PEX19: variants seen among roughly 807,000 people sequenced by gnomAD.
PEX19 encodes the protein peroxisomal biogenesis factor 19, also known as 33 kDa housekeeping protein.
A neutral mutation model predicts 36.3 loss-of-function variants in PEX19; 29 were observed. The ratio of observed to expected loss-of-function variants is 0.80; its 90% CI spans 0.60 to 1.09. The LOEUF (loss-of-function observed/expected upper bound fraction) is 1.09. Ranked by LOEUF, PEX19 falls within the 50% of genes least tolerant of loss-of-function variation. The pLI is 0.00. For synonymous variants in PEX19, 141 were observed against 135.2 expected (o/e 1.04, Z -0.30); for missense variants, 396 against 368.1 (o/e 1.08, Z -0.62).
chr1:160,283,581 C>A lies in PEX19; in HGVS notation c.129G>T (p.Thr43=). 6.2e-7 allele frequency: 1 copy of A among 1,613,988 alleles called. No homozygotes were observed. ...TCTGGGGCCCCGAAGCATCAGGGGC[C>A]GTGGTGGTAGAAGGGGGTGCTGGGG... ...KPSPAPPSTT[T]APDASGPQKR... Residue 43 remains threonine (T), a synonymous_variant, in exon 2 of 8, where the codon ACG becomes ACT. Coordinates refer to ENST00000368072, the MANE Select transcript of PEX19 (RefSeq NM_002857.4).
Position 160,277,738 on chromosome 1 carries a change from T to A in PEX19, c.*1813A>T. On this transcript the variant is annotated 3_prime_UTR_variant, in exon 8 of 8. Transcript: ENST00000368072. ...GGTTCATAGAGAAGGGCTCTTTTGTTCTTCCCTCCTCCTCTCTATCCTTGT... is the reference window on the plus strand; with the variant it reads ...GGTTCATAGAGAAGGGCTCTTTTGTACTTCCCTCCTCCTCTCTATCCTTGT... The A allele has an allele frequency of 2.2e-6, 1 of 462,778 alleles. No homozygotes were observed. The allele number at this position is 462,778 out of a possible 1,614,324, so 28.7% of individuals were successfully genotyped here.
chr1:160,280,345 T>C, intron 5 of PEX19, 99 bp from the exon 6 acceptor site: 4 of 1,167,912 alleles, frequency 3.4e-6, no homozygotes, highest in South Asian at 1.2e-5. Context: ...GAAAGGGACG[T>C]AGAAAAACGA....
At position 160,278,576 on chromosome 1, in the gene PEX19, G is replaced by C. The variant is rs1657631784; in HGVS notation, c.*975C>G. The C allele has an allele frequency of 2.2e-6, 1 of 458,518 alleles. No individual in the cohort carries two copies. 28.4% of individuals were successfully genotyped at this position (458,518 alleles called of 1,614,324 possible). ...TACTCCTTTTCCAAGCTACTTTCCTGAACCAAGGGACAGGATTCTAAGAGA... is the reference window on the plus strand; with the variant it reads ...TACTCCTTTTCCAAGCTACTTTCCTCAACCAAGGGACAGGATTCTAAGAGA... On this transcript the variant is annotated 3_prime_UTR_variant, in exon 8 of 8. Transcript: ENST00000368072.
chr1:160,282,195 G>A lies in PEX19; in HGVS notation c.438C>T (p.Ser146=). 1 of 1,614,106 alleles carries A rather than the reference G, an allele frequency of 6.2e-7. No homozygotes were observed. The highest frequency in any genetic ancestry group is 8.5e-7 in the Non-Finnish European group (1 of 1,180,016). Residue 146 remains serine (S), a synonymous_variant, in exon 5 of 8, where the codon TCC becomes TCT. Transcript: ENST00000368072. ...LAKNATDLQN[S]SMSEEELTKA... ...TGGTCAGCTCTTCTTCCGACATGCT[G>A]GAGTTCTAGATAGGACAAGTAAGAG...
At position 160,278,365 on chromosome 1, in the gene PEX19, T is replaced by C. The variant is rs1657624512; in HGVS notation, c.*1186A>G. 1 of 683,970 alleles carries C rather than the reference T, an allele frequency of 1.5e-6. No homozygotes were observed. The highest frequency in any genetic ancestry group is 2.7e-6 in the Non-Finnish European group (1 of 375,342). 42.4% of individuals were successfully genotyped at this position (683,970 alleles called of 1,614,324 possible). A position where few individuals can be genotyped will look rare whatever the true frequency, so the allele number is the denominator to read the frequency against. ...TTGCCAACTGAGGTGCAGACTGAGT[T>C]GTGGAAGGTGGGTGTTGATGGAACC... On this transcript the variant is annotated 3_prime_UTR_variant, in exon 8 of 8. Coordinates refer to ENST00000368072, the MANE Select transcript of PEX19 (RefSeq NM_002857.4).
Position 160,280,121 on chromosome 1 carries a change from ACTGTCT to A in PEX19, c.714_719del (p.Asp239_Ser240del). 6.2e-7 allele frequency: 1 copy of A among 1,613,958 alleles called. No individual in the cohort carries two copies. The highest frequency in any genetic ancestry group is 8.5e-7 in the Non-Finnish European group (1 of 1,179,858). On this transcript the variant is annotated inframe_deletion, in exon 6 of 8. Coordinates refer to ENST00000368072, the MANE Select transcript of PEX19 (RefSeq NM_002857.4). ...CAAAACGAGCCTTTTGAGTGGTTTC[ACTGTCT>A]GTGGGGGTCTCTGCCTCAAACTGCT... is the stretch of plus-strand genomic sequence containing the variant.
intron 3 of PEX19, 196 bp from the exon 4 acceptor site, chr1:160,282,698 G>C (rs1657824586): frequency 1.5e-6 from 1 of 675,882 alleles, no homozygotes; most frequent in South Asian, 1.7e-5. Context: ...TATTCTCCAT[G>C]ATGATACCCA....
At chr1:160,283,262 CA>C (rs1424361542) in intron 2 of PEX19, among the ~76,000 whole-genome samples, 153 bp from the exon 3 acceptor site, 3 of 152,064 alleles carry the variant, frequency 2.0e-5, no homozygotes, top group African/African-American at 7.2e-5. Context: ...ATGAGGATAG[CA>C]AAAAAGGTAT....
chr1:160,282,769 C>T, intron 3 of PEX19, 175 bp downstream of exon 3: 1 of 743,708 alleles, frequency 1.3e-6, no homozygotes, highest in Non-Finnish European at 2.3e-6. Flanking sequence ...TACTTTCCAA[C>T]CTATCTCACC....
rs1298851036 is a variant in PEX19 at position 160,282,116 on chromosome 1, G to A, written c.517C>T (p.Pro173Ser). 3 of 1,613,522 alleles carry A rather than the reference G, an allele frequency of 1.9e-6. No homozygotes were observed. The highest frequency in any genetic ancestry group is 2.5e-6 in the Non-Finnish European group (3 of 1,179,602). The change falls in exon 5 of 8, where the codon CCC becomes TCC. Residue 173 changes from proline to serine, a missense_variant. Pro to Ser is a moderately conservative substitution (Grantham distance 74, BLOSUM62 -1). Transcript: ENST00000368072. ...TTCTGCATAATACTCTGCATGATGG[G>A]GAGGATGTTCCCTTCCCCATCCCCT... Reference protein sequence around the residue: ...DEGDGEGNILPIMQSIMQNLL... With the variant: ...DEGDGEGNILSIMQSIMQNLL...
Position 160,282,128 on chromosome 1 carries a change from C to T in PEX19, c.505G>A (p.Gly169Arg), listed in dbSNP as rs1415879635. 6.2e-7 allele frequency: 1 copy of T among 1,613,896 alleles called. No individual in the cohort carries two copies. Among genetic ancestry groups the T allele is most frequent in the Non-Finnish European group, 8.5e-7 (1 of 1,179,808 alleles). ...CTCTGCATGATGGGGAGGATGTTCC[C>T]TTCCCCATCCCCTTCGTCCATGCCT... ...GLGMDEGDGE[G>R]NILPIMQSIM... Residue 169 changes from glycine (G) to arginine (R), a missense_variant, in exon 5 of 8, where the codon GGG becomes AGG. Transcript: ENST00000368072.
upstream of PEX19, chr1:160,285,146 T>C: frequency 6.2e-7 from 1 of 1,601,088 alleles, no homozygotes; most frequent in Non-Finnish European, 8.6e-7. Flanking sequence ...CGACTTGCCG[T>C]AGGAGGCGGG....
At chr1:160,284,912 G>A in intron 1 of PEX19, 143 bp downstream of exon 1, 1 of 732,000 alleles carries the variant, frequency 1.4e-6, no homozygotes, top group South Asian at 1.5e-5. Context: ...AGATTTTTGG[G>A]GGGCTCGGGG....
At chr1:160,279,866 A>C in intron 6 of PEX19, 21 bp from the exon 7 acceptor site, 1 of 1,604,158 alleles carries the variant, frequency 6.2e-7, no homozygotes, top group Non-Finnish European at 8.5e-7. Flanking sequence ...AGGAAAATGG[A>C]ACATGAAATA....
At position 160,277,684 on chromosome 1, in the gene PEX19, A is replaced by T; in HGVS notation, c.*1867T>A. The T allele has an allele frequency of 2.2e-6, 1 of 455,460 alleles. No homozygotes were observed. Among genetic ancestry groups the T allele is most frequent in the Non-Finnish European group, 4.4e-6 (1 of 227,772 alleles). The allele number at this position is 455,460 out of a possible 1,614,324, so 28.2% of individuals were successfully genotyped here. On this transcript the variant is annotated 3_prime_UTR_variant, in exon 8 of 8. Transcript: ENST00000368072. ...AGGCTAGCAGAAGTGAGAATCTGTA[A>T]AAGAAAACTGGTAGGACAGAAGGCA...
rs780732938 is a variant in PEX19, at chr1:160,283,011, C to T, written c.279G>A (p.Glu93=). The T allele has an allele frequency of 1.9e-6, 3 of 1,614,238 alleles. No homozygotes were observed. Among genetic ancestry groups the T allele is most frequent in the Non-Finnish European group, 2.5e-6 (3 of 1,180,044 alleles). The part of the protein sequence containing the change: ...ATAEFEKAMK[E]LAEEEPHLVE... ...CCAGGTGGGGTTCTTCCTCAGCCAA[C>T]TCCTTCATTGCCTTCTCGAACTCCG... The change falls in exon 3 of 8, where the codon GAG becomes GAA. Residue 93 remains glutamate, a synonymous_variant. Transcript: ENST00000368072.
At chr1:160,281,226 A>C (rs897385504) in intron 5 of PEX19, 3 of 152,312 alleles carry the variant, frequency 2.0e-5, no homozygotes, top group Non-Finnish European at 4.4e-5. Flanking sequence ...TGGGAGAAAC[A>C]CTTGAGCCTG....
In PEX19 at chr1:160,280,251, GAA is replaced by G; in HGVS notation, c.595-7_595-6del. ...ACTCTGCAACCATTCTGGATACTAA[GAA>G]AAGAGAGAATGGGTGGAAAAGAATT... is the stretch of plus-strand genomic sequence containing the variant. On this transcript the variant is annotated splice_polypyrimidine_tract_variant and splice_region_variant and intron_variant, in intron 5 of 7. Coordinates refer to ENST00000368072, the MANE Select transcript of PEX19 (RefSeq NM_002857.4). 6.2e-7 allele frequency: 1 copy of G among 1,611,958 alleles called. No individual in the cohort carries two copies. Among genetic ancestry groups the G allele is most frequent in the South Asian group, 1.1e-5 (1 of 91,026 alleles).
rs150046035 is a variant in PEX19, at chr1:160,278,274, A to G, written c.*1277T>C. The G allele has an allele frequency of 3.0e-5, 21 of 698,534 alleles. No homozygotes were observed. The East Asian group carries it at 4.6e-4, about 15-fold the overall frequency. 43.3% of individuals were successfully genotyped at this position (698,534 alleles called of 1,614,324 possible). On this transcript the variant is annotated 3_prime_UTR_variant, in exon 8 of 8. Coordinates refer to ENST00000368072, the MANE Select transcript of PEX19 (RefSeq NM_002857.4). ...ATGTAAAAGGTTAAAATATAATACC[A>G]CTTGAAGGGCTTTCTACATTGAAAT... is the stretch of plus-strand genomic sequence containing the variant.
Sources: gnomAD v4.1 joint callset for allele counts (sites outside exome capture counted in the v4.1 genomes callset) on GRCh38, gnomAD v4.1.1 for gene constraint, MANE v1.5 for transcripts, NCBI Gene and HGNC (gene_info 2026-07-23, HGNC 2026-07-21) for gene names.